IL1R1: variants seen among roughly 807,000 people sequenced by gnomAD.
IL1R1 encodes the protein interleukin-1 receptor type 1.
Under a neutral mutation model 50.2 loss-of-function variants are expected in IL1R1, and 22 were observed. The observed-to-expected ratio is 0.44, with a 90% confidence interval of 0.31 to 0.63. The LOEUF is 0.63. Ranked by LOEUF, IL1R1 falls within the 20% of genes least tolerant of loss-of-function variation. IL1R1 has a pLI of 0.07. For synonymous variants in IL1R1, 251 were observed against 236.7 expected (o/e 1.06, Z -0.55); for missense variants, 509 against 676.2 (o/e 0.75, Z 2.74).
At chr2:102,078,567 C>G (rs1041290676) in intron 1 of IL1R1, among the ~76,000 whole-genome samples, 1 of 118,088 alleles carries the variant, frequency 8.5e-6, no homozygotes, top group Non-Finnish European at 1.8e-5. Flanking sequence ...AAACTTCACA[C>G]ACACACACAC....
intron 1 of IL1R1, among the ~76,000 whole-genome samples, chr2:102,108,378 T>C (rs1288646495): frequency 6.6e-6 from 1 of 152,146 alleles, no homozygotes; most frequent in East Asian, 1.9e-4. Context: ...ATTCCATTCT[T>C]GTACAGGAAA....
At chr2:102,161,800 A>G (rs1684754205) in intron 3 of IL1R1, among the ~76,000 whole-genome samples, 1 of 152,030 alleles carries the variant, frequency 6.6e-6, no homozygotes, top group South Asian at 2.1e-4. Context: ...ACTGGGTTCA[A>G]GTGATTCTTG....
upstream of IL1R1, among the ~76,000 whole-genome samples, chr2:102,139,769 T>C (rs1045199468): frequency 6.6e-6 from 1 of 152,252 alleles, no homozygotes; most frequent in Non-Finnish European, 1.5e-5. Flanking sequence ...TCTGTCATGA[T>C]TGTTAGTTTC....
chr2:102,171,424 A>C (rs1685664247), intron 7 of IL1R1, among the ~76,000 whole-genome samples: 1 of 152,248 alleles, frequency 6.6e-6, no homozygotes, highest in South Asian at 2.1e-4. Flanking sequence ...TAATCATAAT[A>C]GTGAAAAATT....
rs1057006298 is a variant in IL1R1, at chr2:102,108,735, CT to C, written c.-84+3864del. The stretch of plus-strand genomic sequence containing the variant: ...GTTTCTATTGAGTAAATATTTAAAG[CT>C]CTGAAAGGATATTAAACAAATGAAT... On this transcript the variant is annotated intron_variant, in intron 1 of 10. Transcript: ENST00000409329. Among the ~76,000 whole-genome samples the C allele has an allele frequency of 8.5e-5, 13 of 152,088 alleles. No individual in the cohort carries two copies. The Middle Eastern group carries it at 0.017, about 199-fold the overall frequency.
Position 102,072,920 on chromosome 2 carries a change from T to C in IL1R1, c.-84+2387T>C, listed in dbSNP as rs1678796112. 2.0e-5 allele frequency among the ~76,000 whole-genome samples: 3 copies of C among 152,338 alleles called. No individual in the cohort carries two copies. The South Asian group carries it at 6.2e-4, about 32-fold the overall frequency. On this transcript the variant is annotated intron_variant, in intron 1 of 11. Coordinates refer to the IL1R1 transcript ENST00000409929. ...TTCACAGCCCACTGACTGAAGGCCC[T>C]TCCCGGCCAGTTCTGAGCTTGAGCT...
chr2:102,075,274 A>AGTTTGC (rs1180939153), intron 1 of IL1R1, among the ~76,000 whole-genome samples: 1 of 152,302 alleles, frequency 6.6e-6, no homozygotes, highest in Middle Eastern at 3.4e-3. Context: ...TCTGTTAATC[A>AGTTTGC]GTTTGCACAG....
intron 1 of IL1R1, among the ~76,000 whole-genome samples, chr2:102,120,302 GT>G (rs1444331830): frequency 6.6e-6 from 1 of 152,048 alleles, no homozygotes; most frequent in East Asian, 1.9e-4. Flanking sequence ...GTATATGGGT[GT>G]TATATGTATG....
chr2:102,166,357 T>C, intron 6 of IL1R1, 76 bp downstream of exon 6: 1 of 1,163,392 alleles, frequency 8.6e-7, no homozygotes, highest in Non-Finnish European at 1.2e-6. Flanking sequence ...CTACTTTCAT[T>C]ATCCATGAAG....
rs200041823 is a variant in IL1R1 at position 102,179,324 on chromosome 2, A to C, written c.*2565A>C. 5 of 152,298 alleles carry C rather than the reference A, an allele frequency of 3.3e-5. No homozygotes were observed. The highest frequency in any genetic ancestry group is 7.3e-5 in the Non-Finnish European group (5 of 68,042). 9.4% of individuals were successfully genotyped at this position (152,298 alleles called of 1,614,324 possible). ...GTAGAATGGCAGCTGGAATTTAAGG[A>C]GGGACAAGAATCAATGGATAAGCGT... On this transcript the variant is annotated 3_prime_UTR_variant, in exon 12 of 12. Coordinates refer to ENST00000410023, the MANE Select transcript of IL1R1 (RefSeq NM_000877.4).
rs3917232 is a variant in IL1R1 at position 102,154,946 on chromosome 2, C to T, written c.-7+929C>T. Among the ~76,000 whole-genome samples the T allele has an allele frequency of 4.0e-3, 606 of 152,266 alleles. 6 individuals carry two copies. The highest frequency in any genetic ancestry group is 0.013 in the African/African-American group (551 of 41,556). On this transcript the variant is annotated intron_variant, in intron 2 of 11. Coordinates refer to ENST00000410023, the MANE Select transcript of IL1R1 (RefSeq NM_000877.4). The stretch of plus-strand genomic sequence containing the variant: ...CAGGCTGAGTTAGCCTCTGTCTCCC[C>T]TCCTGCCCTGGGCATGGCTCTTCCA...
At chr2:102,152,486 C>T (rs1331601290) in intron 1 of IL1R1, among the ~76,000 whole-genome samples, 2 of 104,526 alleles carry the variant, frequency 1.9e-5, no homozygotes, top group African/African-American at 7.6e-5. Context: ...GCCTGGGGGA[C>T]AGAGCAAGAC....
At chr2:102,118,610 A>C (rs1681223516) in intron 1 of IL1R1, among the ~76,000 whole-genome samples, 1 of 152,192 alleles carries the variant, frequency 6.6e-6, no homozygotes, top group Non-Finnish European at 1.5e-5. Flanking sequence ...AGTTAGTATC[A>C]GAATTGAATT....
intron 1 of IL1R1, among the ~76,000 whole-genome samples, chr2:102,090,170 A>AT (rs1289209429): frequency 7.1e-6 from 1 of 141,450 alleles, no homozygotes; most frequent in African/African-American, 2.6e-5. Context: ...TTTTTTTGTA[A>AT]TTTGGCCTTC....
At chr2:102,112,401 G>A (rs1428935283) in intron 1 of IL1R1, among the ~76,000 whole-genome samples, 2 of 151,870 alleles carry the variant, frequency 1.3e-5, no homozygotes, top group Non-Finnish European at 2.9e-5. Flanking sequence ...TGGCCCTGAG[G>A]TGATACTAAT....
At chr2:102,162,690 C>T (rs1578008462) in intron 3 of IL1R1, among the ~76,000 whole-genome samples, 1 of 152,048 alleles carries the variant, frequency 6.6e-6, no homozygotes, top group Non-Finnish European at 1.5e-5. Context: ...AGTATATACC[C>T]ATTTCTCCTT....
chr2:102,123,818 T>A (rs544589969), intron 1 of IL1R1, among the ~76,000 whole-genome samples: 3 of 148,934 alleles, frequency 2.0e-5, no homozygotes, highest in South Asian at 2.1e-4. Flanking sequence ...AATAAAATAA[T>A]GTAACATGAA....
At chr2:102,163,588 A>G (rs1256543836) in intron 3 of IL1R1, among the ~76,000 whole-genome samples, 2 of 152,028 alleles carry the variant, frequency 1.3e-5, no homozygotes, top group African/African-American at 2.4e-5. Flanking sequence ...TTCACTAATC[A>G]TGTTTGATCT....
intron 1 of IL1R1, among the ~76,000 whole-genome samples, chr2:102,127,657 C>CTGTGTG (rs60587758): frequency 2.5e-4 from 36 of 144,956 alleles, no homozygotes; most frequent in Middle Eastern, 3.5e-3. Context: ...GTGTGTGTGA[C>CTGTGTG]TGTGTGTGTG....
Sources: gnomAD v4.1 joint callset for allele counts (sites outside exome capture counted in the v4.1 genomes callset) on GRCh38, gnomAD v4.1.1 for gene constraint, MANE v1.5 for transcripts, NCBI Gene and HGNC (gene_info 2026-07-23, HGNC 2026-07-21) for gene names.